Variants in QTMAN observed in about 807,000 individuals in gnomAD.
QTMAN encodes the protein queuosine-tRNA mannosyltransferase.
chr2:144,198,212 TG>T, the QTMAN span, among the ~76,000 whole-genome samples: 3 of 151,962 alleles, frequency 2.0e-5, no homozygotes, highest in East Asian at 5.8e-4. Flanking sequence ...AGCAAGACTT[TG>T]TTTAAAAAAA....
the QTMAN span, among the ~76,000 whole-genome samples, chr2:144,314,637 C>T: frequency 2.7e-3 from 412 of 152,180 alleles, 2 homozygotes; most frequent in African/African-American, 9.2e-3. Context: ...GGCGTGAACC[C>T]GGGAGGCAAA....
At chr2:144,130,208 T>A in the QTMAN span, among the ~76,000 whole-genome samples, 1 of 151,894 alleles carries the variant, frequency 6.6e-6, no homozygotes, top group Non-Finnish European at 1.5e-5. Flanking sequence ...TATAGATAGC[T>A]GGTAATGATA....
At chr2:143,947,328 T>C in the QTMAN span, among the ~76,000 whole-genome samples, 2 of 152,138 alleles carry the variant, frequency 1.3e-5, no homozygotes, top group South Asian at 2.1e-4. Context: ...TAAAGTGTCG[T>C]TGTATTTCCA....
At chr2:144,310,552 C>T in the QTMAN span, among the ~76,000 whole-genome samples, 1 of 152,172 alleles carries the variant, frequency 6.6e-6, no homozygotes, top group East Asian at 1.9e-4. Flanking sequence ...AGAGACCAGT[C>T]AAGAGGCTAC....
At chr2:144,182,839 AT>A in the QTMAN span, among the ~76,000 whole-genome samples, 4 of 68,886 alleles carry the variant, frequency 5.8e-5, no homozygotes, top group South Asian at 3.5e-4. Context: ...ATATATATAT[AT>A]TATATATATA....
chr2:144,092,870 GGT>G, the QTMAN span, among the ~76,000 whole-genome samples: 3,762 of 140,622 alleles, frequency 0.027, 46 homozygotes, highest in Middle Eastern at 0.057. Flanking sequence ...AAACTTTTGG[GGT>G]GTGTGTGTGT....
chr2:144,058,092 A>G, the QTMAN span, among the ~76,000 whole-genome samples: 312 of 149,964 alleles, frequency 2.1e-3, 1 homozygote, highest in African/African-American at 7.3e-3. Flanking sequence ...ACCAGAAGGA[A>G]AAAAAAAAGA....
the QTMAN span, among the ~76,000 whole-genome samples, chr2:143,949,695 TAAGAA>T: frequency 4.6e-5 from 7 of 151,996 alleles, no homozygotes; most frequent in South Asian, 2.1e-4. Context: ...TCCGACTGCA[TAAGAA>T]AAGTAGGTAA....
At chr2:144,080,068 AT>A in the QTMAN span, among the ~76,000 whole-genome samples, 5 of 152,030 alleles carry the variant, frequency 3.3e-5, no homozygotes, top group Admixed American at 3.3e-4. Context: ...TTATATACCA[AT>A]TTACTAAACT....
chr2:144,094,358 C>G, the QTMAN span, among the ~76,000 whole-genome samples: 1 of 152,124 alleles, frequency 6.6e-6, no homozygotes, highest in Non-Finnish European at 1.5e-5. Context: ...TGGGAAAATA[C>G]TAAGCAAATA....
At chr2:143,967,596 G>T in the QTMAN span, among the ~76,000 whole-genome samples, 11 of 152,168 alleles carry the variant, frequency 7.2e-5, no homozygotes, top group Non-Finnish European at 1.6e-4. Flanking sequence ...CTCCCAAGGT[G>T]CTGGGATTAC....
the QTMAN span, among the ~76,000 whole-genome samples, chr2:144,104,780 T>G: frequency 6.6e-6 from 1 of 152,162 alleles, no homozygotes; most frequent in South Asian, 2.1e-4. Flanking sequence ...ACCATGGAGT[T>G]TGAGATCTGA....
At chr2:144,263,490 T>A in the QTMAN span, among the ~76,000 whole-genome samples, 6 of 152,228 alleles carry the variant, frequency 3.9e-5, no homozygotes, top group African/African-American at 1.4e-4. Flanking sequence ...CTTGGCTTCA[T>A]GTGGGTGGAT....
the QTMAN span, among the ~76,000 whole-genome samples, chr2:144,250,134 T>TG: frequency 4.9e-5 from 7 of 144,248 alleles, no homozygotes; most frequent in South Asian, 2.1e-4. Flanking sequence ...TTTTTTTTTT[T>TG]TGTTTGTTTT....
At chr2:144,018,206 G>A in the QTMAN span, among the ~76,000 whole-genome samples, 1 of 152,072 alleles carries the variant, frequency 6.6e-6, no homozygotes, top group African/African-American at 2.4e-5. Context: ...TCAGTTTCCA[G>A]ATCTCTGAAG....
chr2:144,080,886 T>A, the QTMAN span, among the ~76,000 whole-genome samples: 1 of 152,180 alleles, frequency 6.6e-6, no homozygotes, highest in Admixed American at 6.5e-5. Flanking sequence ...CACCTCTTTT[T>A]CAAAAATAAT....
At chr2:144,222,257 C>T in the QTMAN span, among the ~76,000 whole-genome samples, 1 of 151,532 alleles carries the variant, frequency 6.6e-6, no homozygotes, top group Admixed American at 6.6e-5. Flanking sequence ...GACGAGGTTT[C>T]ACCACGTCAG....
chr2:144,173,573 C>A, the QTMAN span, among the ~76,000 whole-genome samples: 1 of 152,166 alleles, frequency 6.6e-6, no homozygotes, highest in Admixed American at 6.6e-5. Context: ...CCCCAACTGA[C>A]CCTCAGTTAA....
chr2:144,256,779 G>A, the QTMAN span, among the ~76,000 whole-genome samples: 48 of 152,096 alleles, frequency 3.2e-4, no homozygotes, highest in African/African-American at 1.1e-3. Flanking sequence ...TTAAAACCTA[G>A]ATGACGGGTT....
Sources: gnomAD v4.1 joint callset for allele counts (sites outside exome capture counted in the v4.1 genomes callset) on GRCh38, gnomAD v4.1.1 for gene constraint, MANE v1.5 for transcripts, NCBI Gene and HGNC (gene_info 2026-07-23, HGNC 2026-07-21) for gene names.